Variants in CREBRF observed in about 807,000 individuals in gnomAD.
CREBRF encodes CREB3 regulatory factor.
A neutral mutation model predicts 66.1 loss-of-function variants in CREBRF; 5 were observed. That is an observed-to-expected ratio of 0.08 (90% CI 0.04 to 0.16). The LOEUF (loss-of-function observed/expected upper bound fraction) is 0.16, where lower values mean the gene tolerates loss of function less well. CREBRF is among the 10% of genes least tolerant of loss of function. The pLI, the probability that CREBRF is intolerant of heterozygous loss-of-function variation, is 1.00. For synonymous variants in CREBRF, 229 were observed against 264.4 expected (o/e 0.87, Z 1.30); for missense variants, 531 against 744.9 (o/e 0.71, Z 3.34).
chr5:173,071,610 C>T (rs1757601384), intron 1 of CREBRF, among the ~76,000 whole-genome samples: 1 of 151,930 alleles, frequency 6.6e-6, no homozygotes, highest in Non-Finnish European at 1.5e-5. Context: ...TCCCAAAGTG[C>T]TGGGATTACA....
At chr5:173,064,794 C>T (rs1367045631) in intron 1 of CREBRF, among the ~76,000 whole-genome samples, 1 of 152,068 alleles carries the variant, frequency 6.6e-6, no homozygotes, top group Non-Finnish European at 1.5e-5. Flanking sequence ...GAACTCCCCA[C>T]CCCAGGTGAT....
At chr5:173,130,950 G>A (rs1461329413) in intron 8 of CREBRF, among the ~76,000 whole-genome samples, 4 of 152,058 alleles carry the variant, frequency 2.6e-5, no homozygotes, top group East Asian at 3.9e-4. Flanking sequence ...CAAGTGATCC[G>A]CCCACCTTGG....
At chr5:173,061,126 C>T (rs1757258809) in intron 1 of CREBRF, among the ~76,000 whole-genome samples, 1 of 152,250 alleles carries the variant, frequency 6.6e-6, no homozygotes, top group African/African-American at 2.4e-5. Flanking sequence ...TGCCACCGTG[C>T]CCAGCCAAGT....
At position 173,086,491 on chromosome 5, in the gene CREBRF, T is replaced by C. The variant is rs1212694295; in HGVS notation, c.10-10T>C. 6.2e-7 allele frequency: 1 copy of C among 1,610,736 alleles called. No individual in the cohort carries two copies. The highest frequency in any genetic ancestry group is 1.7e-5 in the Admixed American group (1 of 58,906). On this transcript the variant is annotated splice_polypyrimidine_tract_variant and intron_variant, in intron 2 of 8. Transcript: ENST00000296953. ...TTTAACTTTCTAAAATAAAAATCAC[T>C]CTGTTGTAGCCTAGTGTAAGCGGAA...
At chr5:173,058,620 A>T (rs936341912) in intron 1 of CREBRF, among the ~76,000 whole-genome samples, 5 of 150,366 alleles carry the variant, frequency 3.3e-5, no homozygotes, top group African/African-American at 1.2e-4. Context: ...AGTAGCTGGG[A>T]CTACAGGCGC....
rs869148787 is a variant in CREBRF at position 173,082,003 on chromosome 5, G to GTTTTTTTTTTTTTTTTT, written c.9+1231_9+1247dup. On this transcript the variant is annotated intron_variant, in intron 2 of 8. Transcript: ENST00000296953. ...AGAGTGGTTGCCCATTCAAGGTTTAGTTTTTTTTTTTTTTTTTTTTTTTTT... is the reference window on the plus strand; with the variant it reads ...AGAGTGGTTGCCCATTCAAGGTTTAGTTTTTTTTTTTTTTTTTTTTTTTTTTTTTTTTTTTTTTTTTT... Among the ~76,000 whole-genome samples, 10 of 78,046 alleles carry GTTTTTTTTTTTTTTTTT rather than the reference G, an allele frequency of 1.3e-4. 1 individual carries two copies. The highest frequency in any genetic ancestry group is 3.3e-4 in the East Asian group (1 of 3,020). 51.2% of individuals were successfully genotyped at this position (78,046 alleles called of 152,430 possible).
chr5:173,128,381 T>G (rs1384920533), intron 8 of CREBRF, among the ~76,000 whole-genome samples: 3 of 152,116 alleles, frequency 2.0e-5, no homozygotes, highest in Non-Finnish European at 4.4e-5. Flanking sequence ...GCGGGAGTTT[T>G]AAAAGAAGAT....
At chr5:173,132,245 C>T (rs541198697) in intron 8 of CREBRF, among the ~76,000 whole-genome samples, 89 of 150,700 alleles carry the variant, frequency 5.9e-4, no homozygotes, top group African/African-American at 2.1e-3. Context: ...GCCACCATGC[C>T]CAGCTAATTT....
chr5:173,105,186 A>G (rs1245552724), intron 4 of CREBRF, among the ~76,000 whole-genome samples: 1 of 151,916 alleles, frequency 6.6e-6, no homozygotes, highest in Admixed American at 6.6e-5. Context: ...AAGGGAGTAT[A>G]TCAAATAAAG....
chr5:173,109,865 T>G (rs776878187), intron 5 of CREBRF: 2 of 152,512 alleles, frequency 1.3e-5, no homozygotes, highest in Non-Finnish European at 2.9e-5. Flanking sequence ...CTACTAGAAA[T>G]GAAACATTAA....
chr5:173,089,332 T>C (rs1758260404), intron 3 of CREBRF, among the ~76,000 whole-genome samples: 1 of 152,090 alleles, frequency 6.6e-6, no homozygotes, highest in Non-Finnish European at 1.5e-5. Flanking sequence ...TACCAAAACG[T>C]AACTAACAGG....
At chr5:173,101,514 G>C (rs552520822) in intron 4 of CREBRF, among the ~76,000 whole-genome samples, 24 of 151,452 alleles carry the variant, frequency 1.6e-4, no homozygotes, top group Middle Eastern at 3.5e-3. Context: ...GTTTGTCTTT[G>C]ACTTTCCAGA....
intron 7 of CREBRF, among the ~76,000 whole-genome samples, chr5:173,121,024 G>A (rs1759127814): frequency 6.6e-6 from 1 of 151,928 alleles, no homozygotes; most frequent in African/African-American, 2.4e-5. Context: ...TTTAAATTGT[G>A]TTTTCAAGAA....
chr5:173,126,149 GT>G (rs1561582256), intron 8 of CREBRF, among the ~76,000 whole-genome samples: 1 of 151,794 alleles, frequency 6.6e-6, no homozygotes, highest in Non-Finnish European at 1.5e-5. Context: ...AGGGTTTTTT[GT>G]TTTGTTTTGA....
At chr5:173,086,215 T>C (rs1758140645) in intron 2 of CREBRF, 3 of 755,716 alleles carry the variant, frequency 4.0e-6, no homozygotes, top group Admixed American at 1.7e-5. Flanking sequence ...ATTGCTGAAA[T>C]AGTTTTGTAT....
chr5:173,081,171 A>T (rs1199269629), intron 2 of CREBRF, among the ~76,000 whole-genome samples: 1 of 152,198 alleles, frequency 6.6e-6, no homozygotes, highest in Non-Finnish European at 1.5e-5. Flanking sequence ...TTAAGAGGAA[A>T]TAGTGAGAGA....
chr5:173,117,583 T>TCCC (rs1759026056), intron 7 of CREBRF, among the ~76,000 whole-genome samples: 1 of 22,796 alleles, frequency 4.4e-5, no homozygotes. Flanking sequence ...CCCTCCCTCC[T>TCCC]TCCTTCCTTC....
chr5:173,124,907 TTTC>T (rs1355906382), intron 8 of CREBRF, among the ~76,000 whole-genome samples: 15 of 144,168 alleles, frequency 1.0e-4, no homozygotes, highest in South Asian at 8.7e-4. Flanking sequence ...CTTCTTCTTC[TTTC>T]TTCTTCTTCT....
intron 4 of CREBRF, among the ~76,000 whole-genome samples, chr5:173,093,753 G>A (rs1387089199): frequency 6.6e-6 from 1 of 152,154 alleles, no homozygotes; most frequent in Middle Eastern, 3.2e-3. Flanking sequence ...GTGAACTCAA[G>A]CCACCTGCCC....
Sources: allele counts gnomAD v4.1 joint callset (sites outside exome capture counted in the v4.1 genomes callset), GRCh38; gene constraint gnomAD v4.1.1; transcripts MANE v1.5; gene names NCBI Gene and HGNC (gene_info 2026-07-23, HGNC 2026-07-21).